Variants in SLC25A37 observed in about 807,000 individuals in gnomAD.
SLC25A37 encodes the protein solute carrier family 25 member 37.
A neutral mutation model predicts 31.0 loss-of-function variants in SLC25A37; 17 were observed. The ratio of observed to expected loss-of-function variants is 0.55; its 90% CI spans 0.38 to 0.82. The LOEUF is 0.82. SLC25A37 is among the 40% of genes least tolerant of loss of function. The pLI, the probability that SLC25A37 is intolerant of heterozygous loss-of-function variation, is 0.00. For synonymous variants in SLC25A37, 222 were observed against 193.0 expected (o/e 1.15, Z -1.24); for missense variants, 404 against 465.8 (o/e 0.87, Z 1.22).
At chr8:23,534,812 C>T (rs936365057) in intron 1 of SLC25A37, among the ~76,000 whole-genome samples, 4 of 152,198 alleles carry the variant, frequency 2.6e-5, no homozygotes, top group African/African-American at 9.7e-5. Context: ...GGTACACGCA[C>T]AGAACAGTTG....
intron 1 of SLC25A37, among the ~76,000 whole-genome samples, chr8:23,550,632 C>T (rs1426077847): frequency 6.6e-6 from 1 of 152,226 alleles, no homozygotes; most frequent in South Asian, 2.1e-4. Flanking sequence ...AGCTTACGCG[C>T]AGCTAGGTGA....
In SLC25A37 at chr8:23,538,408, C is replaced by CAAAA. The variant is rs1801819111; in HGVS notation, c.210+9197_210+9198insAAAA. Among the ~76,000 whole-genome samples the CAAAA allele has an allele frequency of 4.1e-4, 19 of 46,124 alleles. 1 individual carries two copies. The highest frequency in any genetic ancestry group is 5.5e-4 in the African/African-American group (8 of 14,540). 30.3% of individuals were successfully genotyped at this position (46,124 alleles called of 152,430 possible). A position where few individuals can be genotyped will look rare whatever the true frequency, so the allele number is the denominator to read the frequency against. On this transcript the variant is annotated intron_variant, in intron 1 of 3. Transcript: ENST00000519973. ...AAAAAAAAAAAAAAAAAAAAAAAAC[C>CAAAA]AGAAAAAAAAACTTGCCATTAAACA...
At chr8:23,556,230 A>ATT (rs10687321) in intron 1 of SLC25A37, among the ~76,000 whole-genome samples, 56,628 of 139,722 alleles carry the variant, frequency 0.41, 11,591 homozygotes, top group East Asian at 0.55. Context: ...AAGAGCACCA[A>ATT]TTTTTTTTTT....
intron 1 of SLC25A37, among the ~76,000 whole-genome samples, chr8:23,555,313 C>T: frequency 6.6e-6 from 1 of 152,146 alleles, no homozygotes; most frequent in South Asian, 2.1e-4. Flanking sequence ...AGCTCTAATT[C>T]TTACAGCTTG....
chr8:23,532,996 A>C (rs1801691873), intron 1 of SLC25A37, among the ~76,000 whole-genome samples: 1 of 152,118 alleles, frequency 6.6e-6, no homozygotes, highest in Non-Finnish European at 1.5e-5. Context: ...ACAAAACTAT[A>C]ATGATTTTTC....
chr8:23,569,351 A>G (rs1398615262), intron 3 of SLC25A37, among the ~76,000 whole-genome samples: 1 of 151,864 alleles, frequency 6.6e-6, no homozygotes, highest in Non-Finnish European at 1.5e-5. Context: ...GAATCTGTTT[A>G]TTGGTGATTC....
chr8:23,560,653 C>T (rs73555588), intron 1 of SLC25A37, among the ~76,000 whole-genome samples: 134 of 152,346 alleles, frequency 8.8e-4, no homozygotes, highest in African/African-American at 3.2e-3. Flanking sequence ...CATCTCTGCG[C>T]TTCTGGGCCA....
chr8:23,574,770 C>G lies in SLC25A37; in HGVS notation c.*2915C>G, dbSNP rs1050123451. 11 of 155,548 alleles carry G rather than the reference C, an allele frequency of 7.1e-5. No individual in the cohort carries two copies. The Middle Eastern group carries it at 2.1e-3, about 29-fold the overall frequency. The allele number at this position is 155,548 out of a possible 1,614,324, so 9.6% of individuals were successfully genotyped here. On this transcript the variant is annotated 3_prime_UTR_variant, in exon 4 of 4. Transcript: ENST00000519973. ...CAAAGTGCAAAATAGGAAGAGGCCT[C>G]CCCACCCCACTATCCCACCCTGGTG...
chr8:23,538,573 G>A (rs1225350168), intron 1 of SLC25A37, among the ~76,000 whole-genome samples: 1 of 150,788 alleles, frequency 6.6e-6, no homozygotes, highest in Non-Finnish European at 1.5e-5. Context: ...AACCCAGCAA[G>A]CAGCAGCTAT....
In SLC25A37 at chr8:23,571,600, C is replaced by G. The variant is rs373004507; in HGVS notation, c.762C>G (p.Pro254=). 8.7e-6 allele frequency: 14 copies of G among 1,613,806 alleles called. No homozygotes were observed. The Admixed American group carries it at 1.3e-4, about 15-fold the overall frequency. Residue 254 remains proline (P), a synonymous_variant, in exon 4 of 4, where the codon CCC becomes CCG. Transcript: ENST00000519973. ...AGALAAAATT[P]LDVCKTLLNT... ...CCCTCGCCGCGGCCGCCACGACCCC[C>G]CTGGACGTCTGTAAGACCCTTCTGA...
At chr8:23,555,345 G>A (rs918972956) in intron 1 of SLC25A37, among the ~76,000 whole-genome samples, 5 of 152,044 alleles carry the variant, frequency 3.3e-5, no homozygotes, top group African/African-American at 1.2e-4. Flanking sequence ...CTTTTTCTAG[G>A]TGGCTGTTCA....
rs1290732341 is a variant in SLC25A37, at chr8:23,529,672, C to T, written c.210+460C>T. ...ACGCTGGAGCTGAGAAACGTGTGGC[C>T]CTGGCCCGGCCGCGCGCCCTCGGGA... On this transcript the variant is annotated intron_variant, in intron 1 of 3. Coordinates refer to ENST00000519973, the MANE Select transcript of SLC25A37 (RefSeq NM_016612.4). This position sits in a 1 kb window ranked among gnomAD's most constrained non-coding sequence, Gnocchi z 4.1. 6.6e-6 allele frequency among the ~76,000 whole-genome samples: 1 copy of T among 152,158 alleles called. No homozygotes were observed. The highest frequency in any genetic ancestry group is 2.4e-5 in the African/African-American group (1 of 41,450).
chr8:23,530,590 C>T (rs143723002), intron 1 of SLC25A37, among the ~76,000 whole-genome samples: 4 of 152,318 alleles, frequency 2.6e-5, no homozygotes, highest in East Asian at 1.9e-4. Context: ...AGGAATGGTT[C>T]TCATCTCCAG....
intron 3 of SLC25A37, among the ~76,000 whole-genome samples, chr8:23,570,794 T>C (rs909570825): frequency 2.0e-5 from 3 of 152,206 alleles, no homozygotes; most frequent in Non-Finnish European, 4.4e-5. Flanking sequence ...CCACTTAGAA[T>C]GTCATTGAAC....
In SLC25A37 at chr8:23,529,814, G is replaced by A. The variant is rs1801628498; in HGVS notation, c.210+602G>A. Among the ~76,000 whole-genome samples the A allele has an allele frequency of 6.6e-6, 1 of 152,124 alleles. No individual in the cohort carries two copies. Among genetic ancestry groups the A allele is most frequent in the Non-Finnish European group, 1.5e-5 (1 of 68,032 alleles). On this transcript the variant is annotated intron_variant, in intron 1 of 3. Coordinates refer to ENST00000519973, the MANE Select transcript of SLC25A37 (RefSeq NM_016612.4). The surrounding 1 kb of genome is among the most constrained non-coding windows in gnomAD (Gnocchi z 4.1). The stretch of plus-strand genomic sequence containing the variant: ...CAGCGGCCCGTGGGATCCCCTTTCT[G>A]AGGGTTCCTGCACTTCTTCCCCCGA...
intron 1 of SLC25A37, among the ~76,000 whole-genome samples, chr8:23,550,105 C>T (rs911562357): frequency 2.4e-5 from 3 of 126,992 alleles, no homozygotes; most frequent in Non-Finnish European, 4.6e-5. Context: ...CGCTTGAACC[C>T]GGGAGGCGGA....
rs573862453 is a variant in SLC25A37 at position 23,574,873 on chromosome 8, T to C, written c.*3018T>C. 1.7e-4 allele frequency: 26 copies of C among 153,456 alleles called. 1 individual carries two copies. The South Asian group carries it at 5.2e-3, about 31-fold the overall frequency. The allele number at this position is 153,456 out of a possible 1,614,324, so 9.5% of individuals were successfully genotyped here. A position where few individuals can be genotyped will look rare whatever the true frequency, so the allele number is the denominator to read the frequency against. On this transcript the variant is annotated 3_prime_UTR_variant, in exon 4 of 4. Transcript: ENST00000519973. Reference sequence around the variant, plus strand: ...ACATCTGCAGCCAGTTAGTGCCACCTGAGTACAGCACTCGTACTTTTACAT... The same window carrying C: ...ACATCTGCAGCCAGTTAGTGCCACCCGAGTACAGCACTCGTACTTTTACAT...
In SLC25A37 at chr8:23,529,226, A is replaced by G; in HGVS notation, c.210+14A>G. Reference sequence around the variant, plus strand: ...GACTCGGTGAAGGTGAGGCGCGGGGAGACTTCGGGGACGCAACGAGCGGAG... The same window carrying G: ...GACTCGGTGAAGGTGAGGCGCGGGGGGACTTCGGGGACGCAACGAGCGGAG... On this transcript the variant is annotated intron_variant, in intron 1 of 3. Transcript: ENST00000519973. The surrounding 1 kb of genome is among the most constrained non-coding windows in gnomAD (Gnocchi z 4.1). The G allele has an allele frequency of 6.9e-6, 11 of 1,601,224 alleles. No homozygotes were observed. The highest frequency in any genetic ancestry group is 9.4e-6 in the Non-Finnish European group (11 of 1,174,826).
intron 2 of SLC25A37, 162 bp downstream of exon 2, chr8:23,566,498 G>GCA (rs1376494579): frequency 2.1e-6 from 3 of 1,411,800 alleles, no homozygotes; most frequent in Non-Finnish European, 2.7e-6. Flanking sequence ...ACACACGCAC[G>GCA]CACACACACG....
Sources: allele counts gnomAD v4.1 joint callset (sites outside exome capture counted in the v4.1 genomes callset), GRCh38; gene constraint gnomAD v4.1.1; non-coding constraint Gnocchi (gnomAD v3.1); transcripts MANE v1.5; gene names NCBI Gene and HGNC (gene_info 2026-07-23, HGNC 2026-07-21).